Variants in SEC31A observed in about 807,000 individuals in gnomAD.
The protein encoded by SEC31A is protein transport protein Sec31A.
SEC31A carries 70 observed loss-of-function variants against 151.0 expected under a neutral mutation model. That is an observed-to-expected ratio of 0.46 (90% CI 0.38 to 0.57). The LOEUF (loss-of-function observed/expected upper bound fraction) is 0.57. Among genes scored for constraint, SEC31A ranks in the 20% least tolerant of loss-of-function variants. The pLI, the probability that SEC31A is intolerant of heterozygous loss-of-function variation, is 0.00. For synonymous variants in SEC31A, 475 were observed against 505.9 expected (o/e 0.94, Z 0.82); for missense variants, 1,330 against 1,471.2 (o/e 0.90, Z 1.57).
Position 82,871,344 on chromosome 4 carries a change from C to A in SEC31A, c.782+600G>T, listed in dbSNP as rs756883860. 16 of 1,511,338 alleles carry A rather than the reference C, an allele frequency of 1.1e-5. No individual in the cohort carries two copies. The South Asian group carries it at 1.8e-4, about 17-fold the overall frequency. The allele number at this position is 1,511,338 out of a possible 1,614,324, so 93.6% of individuals were successfully genotyped here. A position where few individuals can be genotyped will look rare whatever the true frequency, so the allele number is the denominator to read the frequency against. On this transcript the variant is annotated intron_variant, in intron 7 of 26. Transcript: ENST00000395310. Reference sequence around the variant, plus strand: ...CACACACACACACACACACAAGTAACGTAGGTACAGTAAAATGTTTTACCT... The same window carrying A: ...CACACACACACACACACACAAGTAAAGTAGGTACAGTAAAATGTTTTACCT...
chr4:82,864,260 A>G, intron 11 of SEC31A, 102 bp downstream of exon 11: 1 of 831,634 alleles, frequency 1.2e-6, no homozygotes, highest in Non-Finnish European at 1.9e-6. Context: ...CTGAAATCAC[A>G]CTTTTTCAAT....
At chr4:82,880,599 A>C (rs1027581724) in intron 3 of SEC31A, 200 bp downstream of exon 3, 1 of 450,404 alleles carries the variant, frequency 2.2e-6, no homozygotes, top group Admixed American at 4.2e-5. Context: ...AAAAAAAAAA[A>C]AGAAAAAAAA....
chr4:82,878,882 C>G lies in SEC31A; in HGVS notation c.250G>C (p.Asp84His). 6.2e-7 allele frequency: 1 copy of G among 1,613,952 alleles called. No homozygotes were observed. The highest frequency in any genetic ancestry group is 8.5e-7 in the Non-Finnish European group (1 of 1,179,864). The change falls in exon 4 of 27, where the codon GAT becomes CAT. Residue 84 changes from aspartate (D) to histidine (H), a missense_variant. Physicochemically the swap from Asp to His is moderately conservative, Grantham distance 81. Coordinates refer to ENST00000395310, the MANE Select transcript of SEC31A (RefSeq NM_001077207.4). ...CCTGCAATCAGAACTCCAGAGACAT[C>G]TCCTTTGGAATCCATTTTATAAGGC... ...WGPYKMDSKG[D>H]VSGVLIAGGE... is the part of the protein sequence containing the mutation.
intron 20 of SEC31A, chr4:82,845,089 C>T: frequency 1.5e-6 from 1 of 664,778 alleles, no homozygotes; most frequent in Admixed American, 2.7e-5. Flanking sequence ...AATGAGCAGG[C>T]AGATGGATGG....
At chr4:82,829,607 C>T (rs145273368) in intron 22 of SEC31A, among the ~76,000 whole-genome samples, 92 of 152,200 alleles carry the variant, frequency 6.0e-4, no homozygotes, top group African/African-American at 2.1e-3. Flanking sequence ...TTTTTATCAT[C>T]TTTGCCTCGG....
chr4:82,875,057 G>A (rs1737605376), intron 5 of SEC31A, among the ~76,000 whole-genome samples: 1 of 152,208 alleles, frequency 6.6e-6, no homozygotes, highest in African/African-American at 2.4e-5. Flanking sequence ...CTGCAAGGTA[G>A]ATTATGGACC....
chr4:82,891,154 G>A, upstream of SEC31A: 1 of 1,535,550 alleles, frequency 6.5e-7, no homozygotes, highest in Non-Finnish European at 8.7e-7. Flanking sequence ...CCCAGCATTC[G>A]CCGCCGCCCC....
intron 22 of SEC31A, among the ~76,000 whole-genome samples, chr4:82,837,955 A>G (rs1269759572): frequency 6.6e-5 from 10 of 152,236 alleles, no homozygotes; most frequent in Non-Finnish European, 1.5e-4. Flanking sequence ...TTTGAAATAG[A>G]GAATAGAGCA....
chr4:82,842,209 A>C lies in SEC31A; in HGVS notation c.2899T>G (p.Tyr967Asp). ...GPGAPPSSSA[Y>D]ALPPGTTGTL... ...CCTGTTGTTCCAGGAGGCAGTGCATAAGCTGAAGATGATGGTGGAGCTCCT... is the reference window on the plus strand; with the variant it reads ...CCTGTTGTTCCAGGAGGCAGTGCATCAGCTGAAGATGATGGTGGAGCTCCT... Residue 967 changes from tyrosine (Y) to aspartate (D), a missense_variant, in exon 22 of 27, where the codon TAT becomes GAT. Coordinates refer to ENST00000395310, the MANE Select transcript of SEC31A (RefSeq NM_001077207.4). The C allele has an allele frequency of 6.2e-7, 1 of 1,610,618 alleles. No homozygotes were observed. Among genetic ancestry groups the C allele is most frequent in the Non-Finnish European group, 8.5e-7 (1 of 1,177,894 alleles).
At chr4:82,882,601 C>A (rs1390106134) in intron 1 of SEC31A, among the ~76,000 whole-genome samples, 1 of 152,052 alleles carries the variant, frequency 6.6e-6, no homozygotes, top group Non-Finnish European at 1.5e-5. Context: ...GATGACAAAA[C>A]ATTACGGGTA....
chr4:82,867,222 C>G lies in SEC31A; in HGVS notation c.977G>C (p.Gly326Ala). The G allele has an allele frequency of 1.9e-6, 3 of 1,613,876 alleles. No individual in the cohort carries two copies. The highest frequency in any genetic ancestry group is 8.5e-7 in the Non-Finnish European group (1 of 1,179,800). ...PAVLSAASFDGRISVYSIMGG... is the reference protein window; with the variant it reads ...PAVLSAASFDARISVYSIMGG... ...CATGATAGAATAAACACTGATACGCCCATCAAACGAAGCAGCTGATAAGAC... is the reference window on the plus strand; with the variant it reads ...CATGATAGAATAAACACTGATACGCGCATCAAACGAAGCAGCTGATAAGAC... The change falls in exon 9 of 27, where the codon GGG becomes GCG. Residue 326 changes from glycine (G) to alanine (A), a missense_variant. By Grantham distance (60) the Gly-to-Ala change is moderately conservative (BLOSUM62 0). Coordinates refer to ENST00000395310, the MANE Select transcript of SEC31A (RefSeq NM_001077207.4).
intron 12 of SEC31A, 75 bp from the exon 13 acceptor site, chr4:82,862,647 T>C (rs757957644): frequency 1.0e-4 from 137 of 1,318,472 alleles, no homozygotes; most frequent in Non-Finnish European, 1.5e-4. Flanking sequence ...CACCTCTTGC[T>C]TCTCACTGGC....
intron 25 of SEC31A, chr4:82,821,399 T>G (rs1359560196): frequency 8.1e-6 from 2 of 246,906 alleles, no homozygotes; most frequent in Non-Finnish European, 1.6e-5. Context: ...ATACAAAAAA[T>G]TTGCTGGGCG....
At chr4:82,849,835 T>C (rs1177543586) in intron 19 of SEC31A, among the ~76,000 whole-genome samples, 1 of 152,120 alleles carries the variant, frequency 6.6e-6, no homozygotes, top group Non-Finnish European at 1.5e-5. Flanking sequence ...GCTCTAAGTA[T>C]TAACAAATAA....
chr4:82,824,267 G>A (rs969430250), intron 25 of SEC31A, among the ~76,000 whole-genome samples: 9 of 152,062 alleles, frequency 5.9e-5, no homozygotes, highest in South Asian at 2.1e-4. Flanking sequence ...GCAATGGCGC[G>A]ATCTCGGCTC....
intron 24 of SEC31A, among the ~76,000 whole-genome samples, chr4:82,825,343 T>A (rs1425487122): frequency 1.3e-5 from 2 of 152,232 alleles, no homozygotes; most frequent in Non-Finnish European, 2.9e-5. Context: ...GTTTACAGGT[T>A]AATGGAAGAG....
At chr4:82,858,564 A>C (rs67100982) in intron 14 of SEC31A, among the ~76,000 whole-genome samples, 36,004 of 143,708 alleles carry the variant, frequency 0.25, 5,718 homozygotes, top group East Asian at 0.49. Flanking sequence ...AAAAAAAAAA[A>C]AAAAAAGAAC....
intron 25 of SEC31A, among the ~76,000 whole-genome samples, chr4:82,823,496 G>C (rs1319752639): frequency 6.6e-6 from 1 of 152,212 alleles, no homozygotes; most frequent in Non-Finnish European, 1.5e-5. Flanking sequence ...CTGACCAGCA[G>C]AAGGCTGCAC....
At chr4:82,879,044 T>C in intron 3 of SEC31A, 116 bp from the exon 4 acceptor site, 1 of 717,644 alleles carries the variant, frequency 1.4e-6, no homozygotes, top group Non-Finnish European at 2.3e-6. Context: ...ATATATTACT[T>C]TCCCACCACT....
Sources: gnomAD v4.1 joint callset for allele counts (sites outside exome capture counted in the v4.1 genomes callset) on GRCh38, gnomAD v4.1.1 for gene constraint, MANE v1.5 for transcripts, NCBI Gene and HGNC (gene_info 2026-07-23, HGNC 2026-07-21) for gene names.